PRP4K: variants seen among roughly 807,000 people sequenced by gnomAD.
PRP4K encodes the protein pre-mRNA processing factor kinase PRP4K.
the PRP4K span, among the ~76,000 whole-genome samples, chr6:4,045,168 C>T: frequency 0.051 from 7,827 of 152,228 alleles, 662 homozygotes; most frequent in African/African-American, 0.18. Flanking sequence ...TGACAGTACA[C>T]TGTTGAACGG....
the PRP4K span, chr6:4,043,755 A>C: frequency 6.6e-7 from 1 of 1,506,408 alleles, no homozygotes; most frequent in Non-Finnish European, 9.1e-7. Context: ...TTAGCCATGA[A>C]TGTATTTGGA....
the PRP4K span, among the ~76,000 whole-genome samples, chr6:4,038,568 G>T: frequency 1.3e-5 from 2 of 151,950 alleles, no homozygotes; most frequent in Admixed American, 6.6e-5. Flanking sequence ...CAGCCACAAT[G>T]AGGGTTTTTA....
chr6:4,025,728 A>G, the PRP4K span, among the ~76,000 whole-genome samples: 3 of 152,204 alleles, frequency 2.0e-5, no homozygotes, highest in Non-Finnish European at 2.9e-5. Flanking sequence ...CTCTATGGGT[A>G]GACTCTTAAC....
the PRP4K span, chr6:4,058,654 T>G: frequency 6.8e-5 from 68 of 993,672 alleles, no homozygotes; most frequent in Non-Finnish European, 9.9e-5. Context: ...ATTTGACTTA[T>G]TGTATATTAA....
the PRP4K span, among the ~76,000 whole-genome samples, chr6:4,050,754 G>C: frequency 6.6e-6 from 1 of 152,160 alleles, no homozygotes. Flanking sequence ...AAAGGACCTT[G>C]TTTTGATGGG....
the PRP4K span, among the ~76,000 whole-genome samples, chr6:4,058,292 A>G: frequency 3.9e-5 from 6 of 152,360 alleles, no homozygotes; most frequent in East Asian, 1.2e-3. Flanking sequence ...TTACATAAAA[A>G]TGAGCTATGT....
chr6:4,051,773 T>C, the PRP4K span, among the ~76,000 whole-genome samples: 17 of 152,366 alleles, frequency 1.1e-4, no homozygotes, highest in African/African-American at 3.6e-4. Flanking sequence ...GTTGACTAAC[T>C]ATAAAGTGTT....
the PRP4K span, chr6:4,056,694 AT>A: frequency 1.7e-5 from 26 of 1,543,932 alleles, 1 homozygote; most frequent in South Asian, 2.8e-4. Flanking sequence ...TCAAGGTCTG[AT>A]TATCACATTT....
chr6:4,053,370 G>T, the PRP4K span, among the ~76,000 whole-genome samples: 518 of 152,092 alleles, frequency 3.4e-3, 3 homozygotes, highest in African/African-American at 0.012. Context: ...AAGTTCAGGG[G>T]TACATGTGCA....
chr6:4,055,081 C>T, the PRP4K span, among the ~76,000 whole-genome samples: 3 of 152,128 alleles, frequency 2.0e-5, no homozygotes, highest in South Asian at 2.1e-4. Context: ...GCCTTTAGCT[C>T]GTAATTTCAG....
the PRP4K span, among the ~76,000 whole-genome samples, chr6:4,030,845 A>C: frequency 6.6e-6 from 1 of 152,188 alleles, no homozygotes; most frequent in Non-Finnish European, 1.5e-5. Context: ...GCTTACTACA[A>C]GCCTAGAGTC....
At chr6:4,037,104 G>T in the PRP4K span, among the ~76,000 whole-genome samples, 2 of 151,992 alleles carry the variant, frequency 1.3e-5, no homozygotes, top group Non-Finnish European at 2.9e-5. Context: ...ACTTGGGGAG[G>T]TTTTATTTGA....
At chr6:4,023,640 A>G in the PRP4K span, among the ~76,000 whole-genome samples, 3 of 152,250 alleles carry the variant, frequency 2.0e-5, no homozygotes, top group African/African-American at 7.2e-5. Flanking sequence ...GGCAAAGCAG[A>G]GACCAGAGGG....
the PRP4K span, among the ~76,000 whole-genome samples, chr6:4,054,670 C>A: frequency 6.6e-6 from 1 of 152,142 alleles, no homozygotes; most frequent in African/African-American, 2.4e-5. Flanking sequence ...CCACGCCCAG[C>A]TAATTTTTGT....
At chr6:4,034,031 C>T in the PRP4K span, among the ~76,000 whole-genome samples, 1 of 152,062 alleles carries the variant, frequency 6.6e-6, no homozygotes, top group Non-Finnish European at 1.5e-5. Context: ...TGCATACTTA[C>T]TTATTAAAGA....
chr6:4,060,122 C>T, the PRP4K span, among the ~76,000 whole-genome samples: 1 of 152,218 alleles, frequency 6.6e-6, no homozygotes, highest in Admixed American at 6.5e-5. This position sits in a 1 kb window ranked among gnomAD's most constrained non-coding sequence, Gnocchi z 4.7. Flanking sequence ...CCTTTTGCTT[C>T]TAGGCCTGAA....
chr6:4,032,347 C>T, the PRP4K span: 5 of 1,613,846 alleles, frequency 3.1e-6, no homozygotes, highest in Non-Finnish European at 3.4e-6. Context: ...AGGAAAAAAT[C>T]CCCAATTATA....
At chr6:4,024,246 A>G in the PRP4K span, among the ~76,000 whole-genome samples, 1 of 151,960 alleles carries the variant, frequency 6.6e-6, no homozygotes, top group African/African-American at 2.4e-5. Context: ...ACTGGGCTCA[A>G]GTGCTGCAGG....
the PRP4K span, among the ~76,000 whole-genome samples, chr6:4,038,536 G>A: frequency 1.5e-4 from 23 of 151,516 alleles, no homozygotes; most frequent in South Asian, 4.2e-4. Context: ...CAAATGATCC[G>A]CTCGTCTTGG....
Sources: gnomAD v4.1 joint callset for allele counts (sites outside exome capture counted in the v4.1 genomes callset) on GRCh38, gnomAD v4.1.1 for gene constraint, Gnocchi (gnomAD v3.1) non-coding constraint, MANE v1.5 for transcripts, NCBI Gene and HGNC (gene_info 2026-07-23, HGNC 2026-07-21) for gene names.